FNDC1: variants seen among roughly 807,000 people sequenced by gnomAD.
FNDC1 encodes fibronectin type III domain-containing protein 1.
A neutral mutation model predicts 168.0 loss-of-function variants in FNDC1; 96 were observed. The observed-to-expected ratio is 0.57, with a 90% CI of 0.48 to 0.68. The LOEUF is 0.68. Ranked by LOEUF, FNDC1 falls within the 30% of genes least tolerant of loss-of-function variation. The probability of loss-of-function intolerance (pLI) is 0.00; values close to 1 mark genes in which losing one functional copy is unlikely to be tolerated. For missense variants in FNDC1, 2,587 were observed against 2,482.1 expected (o/e 1.04, Z -0.90); for synonymous variants, 1,099 against 1,025.9 (o/e 1.07, Z -1.36).
intron 4 of FNDC1, among the ~76,000 whole-genome samples, chr6:159,201,722 T>A (rs1378556305): frequency 6.6e-6 from 1 of 152,208 alleles, no homozygotes; most frequent in Non-Finnish European, 1.5e-5. Context: ...AAAAGGTGTT[T>A]ATTTTCAGAG....
intron 1 of FNDC1, among the ~76,000 whole-genome samples, chr6:159,190,731 G>A (rs1206329613): frequency 5.9e-5 from 9 of 152,198 alleles, no homozygotes; most frequent in African/African-American, 1.9e-4. Context: ...GAACTCAAAT[G>A]TTCATCATGA....
chr6:159,183,855 C>T (rs1214683411), intron 1 of FNDC1, among the ~76,000 whole-genome samples: 1 of 152,248 alleles, frequency 6.6e-6, no homozygotes, highest in African/African-American at 2.4e-5. Context: ...CTTGCGTTCA[C>T]AAGATCCATT....
rs1379762469 is a variant in FNDC1, at chr6:159,232,280, G to C, written c.1768G>C (p.Ala590Pro). 3 of 1,610,814 alleles carry C rather than the reference G, an allele frequency of 1.9e-6. No individual in the cohort carries two copies. The highest frequency in any genetic ancestry group is 2.5e-6 in the Non-Finnish European group (3 of 1,178,508). ...GACTGCAGTGAGGGCCCGGATGCCA[G>C]CGCTGCCCCGAAGGGAAGGCGTAGA... ...GRTAVRARMP[A>P]LPRREGVDKP... Residue 590 changes from alanine to proline, a missense_variant, in exon 11 of 23, where the codon GCG becomes CCG. Physicochemically the swap from Ala to Pro is conservative, Grantham distance 27. Transcript: ENST00000297267. The surrounding 1 kb of genome is among the most constrained non-coding windows in gnomAD (Gnocchi z 4.9).
intron 5 of FNDC1, among the ~76,000 whole-genome samples, chr6:159,216,974 C>T (rs1321581637): frequency 3.3e-5 from 5 of 152,360 alleles, no homozygotes; most frequent in East Asian, 3.9e-4. Flanking sequence ...GGTCTCTTCC[C>T]TTGCCTGTAG....
chr6:159,200,544 C>T lies in FNDC1; in HGVS notation c.423C>T (p.Pro141=). The T allele has an allele frequency of 1.3e-6, 2 of 1,599,900 alleles. No homozygotes were observed. The highest frequency in any genetic ancestry group is 1.7e-6 in the Non-Finnish European group (2 of 1,172,574). The part of the protein sequence containing the change: ...GGEWIEIDGF[P]IKGPGPFNET... ...AATGGATCGAGATTGATGGTTTTCC[C>T]ATTAAGGGTCCAGGACCATTTAATG... The change falls in exon 4 of 23, where the codon CCC becomes CCT. Residue 141 remains proline, a synonymous_variant. Transcript: ENST00000297267.
At chr6:159,246,570 AGGCATGCG>A (rs1777133833) in intron 14 of FNDC1, among the ~76,000 whole-genome samples, 1 of 152,198 alleles carries the variant, frequency 6.6e-6, no homozygotes, top group African/African-American at 2.4e-5. Flanking sequence ...AGAGCCCTGC[AGGCATGCG>A]GGCGAGTGGG....
chr6:159,171,606 T>C (rs2114911068), intron 1 of FNDC1, among the ~76,000 whole-genome samples: 1 of 152,332 alleles, frequency 6.6e-6, no homozygotes, highest in East Asian at 1.9e-4. Context: ...CAGGACACAC[T>C]GAAGATCTGG....
At chr6:159,216,566 AG>A (rs1489400043) in intron 5 of FNDC1, among the ~76,000 whole-genome samples, 1 of 152,110 alleles carries the variant, frequency 6.6e-6, no homozygotes, top group Admixed American at 6.5e-5. Context: ...TAGTGCCAAG[AG>A]CCGTCTCACC....
chr6:159,245,624 T>G (rs1011979421), intron 14 of FNDC1, among the ~76,000 whole-genome samples: 1 of 152,202 alleles, frequency 6.6e-6, no homozygotes. Flanking sequence ...CCAAAAGACT[T>G]CTGCTTAAAC....
intron 9 of FNDC1, among the ~76,000 whole-genome samples, chr6:159,227,054 G>C (rs377632223): frequency 2.6e-4 from 39 of 152,146 alleles, no homozygotes; most frequent in East Asian, 2.5e-3. Context: ...ATTTGTTTAT[G>C]TATTTATTGA....
chr6:159,256,731 T>G lies in FNDC1; in HGVS notation c.5174+100T>G, dbSNP rs1777381865. On this transcript the variant is annotated intron_variant, in intron 18 of 22. Transcript: ENST00000297267. ...GGGAGGAATCAAAATGTTTTTGTGA[T>G]TTCTTTGAATACCCTGTTTGGTTCT... is the stretch of plus-strand genomic sequence containing the variant. 4 of 845,074 alleles carry G rather than the reference T, an allele frequency of 4.7e-6. No individual in the cohort carries two copies. The East Asian group carries it at 9.7e-5, about 20-fold the overall frequency. The allele number at this position is 845,074 out of a possible 1,614,324, so 52.3% of individuals were successfully genotyped here.
At chr6:159,188,369 C>CTTTTTTTTT (rs61551779) in intron 1 of FNDC1, among the ~76,000 whole-genome samples, 2 of 128,632 alleles carry the variant, frequency 1.6e-5, no homozygotes, top group African/African-American at 2.7e-5. Flanking sequence ...CAATTTCTTT[C>CTTTTTTTTT]TTTTTTTTTT....
At chr6:159,214,351 T>C (rs1392709658) in intron 4 of FNDC1, among the ~76,000 whole-genome samples, 1 of 152,200 alleles carries the variant, frequency 6.6e-6, no homozygotes, top group Admixed American at 6.5e-5. Context: ...CAAAACTGAT[T>C]AATGTAGCAA....
At chr6:159,202,089 G>T (rs1025837959) in intron 4 of FNDC1, among the ~76,000 whole-genome samples, 1 of 152,160 alleles carries the variant, frequency 6.6e-6, no homozygotes, top group Admixed American at 6.5e-5. Context: ...AGGAGGCTTT[G>T]CAGGCCCTGG....
At chr6:159,265,416 G>A (rs765269571) in intron 20 of FNDC1, among the ~76,000 whole-genome samples, 1 of 152,290 alleles carries the variant, frequency 6.6e-6, no homozygotes, top group Non-Finnish European at 1.5e-5. Flanking sequence ...AAGAAGTGGA[G>A]TCTATGCAGA....
intron 1 of FNDC1, among the ~76,000 whole-genome samples, chr6:159,185,130 C>G (rs945499355): frequency 1.3e-5 from 2 of 149,504 alleles, no homozygotes; most frequent in African/African-American, 4.9e-5. Flanking sequence ...GGATCCTAAA[C>G]AAAATGGCCA....
chr6:159,256,199 T>C (rs886378659), intron 17 of FNDC1, among the ~76,000 whole-genome samples: 3 of 152,222 alleles, frequency 2.0e-5, no homozygotes, highest in Non-Finnish European at 4.4e-5. Context: ...ACTGCTTTTT[T>C]CTTCTACTTT....
intron 4 of FNDC1, among the ~76,000 whole-genome samples, chr6:159,211,621 A>G (rs1020407986): frequency 2.6e-5 from 4 of 152,104 alleles, no homozygotes; most frequent in Admixed American, 2.0e-4. Flanking sequence ...TCTGTGATAC[A>G]TTCACGGCTC....
intron 4 of FNDC1, among the ~76,000 whole-genome samples, chr6:159,213,670 A>G (rs900329508): frequency 6.6e-6 from 1 of 151,192 alleles, no homozygotes; most frequent in Non-Finnish European, 1.5e-5. Flanking sequence ...AGATCTGCTC[A>G]TTTTACTGGA....
Sources: allele counts gnomAD v4.1 joint callset (sites outside exome capture counted in the v4.1 genomes callset), GRCh38; gene constraint gnomAD v4.1.1; non-coding constraint Gnocchi (gnomAD v3.1); transcripts MANE v1.5; gene names NCBI Gene and HGNC (gene_info 2026-07-23, HGNC 2026-07-21).